MACF1: variants seen among roughly 807,000 people sequenced by gnomAD.
The protein encoded by MACF1 is microtubule-actin cross-linking factor 1.
In MACF1, 193 loss-of-function variants were observed where a neutral mutation model predicts 854.8. The ratio of observed to expected loss-of-function variants is 0.23; its 90% CI spans 0.20 to 0.25. MACF1 has a LOEUF of 0.25. MACF1 is among the 10% of genes least tolerant of loss of function. The probability of loss-of-function intolerance (pLI) is 1.00; values close to 1 mark genes in which losing one functional copy is unlikely to be tolerated. For missense variants in MACF1, 7,722 were observed against 8,929.1 expected (o/e 0.86, Z 5.45); for synonymous variants, 3,185 against 3,226.7 (o/e 0.99, Z 0.44).
intron 80 of MACF1, among the ~76,000 whole-genome samples, chr1:39,446,321 TA>T (rs970208581): frequency 9.9e-5 from 12 of 120,684 alleles, no homozygotes; most frequent in South Asian, 2.2e-4. Flanking sequence ...AAAGTAGATA[TA>T]AAAAATATAT....
At chr1:39,463,525 C>G in intron 93 of MACF1, 87 bp from the exon 94 acceptor site, 2 of 869,024 alleles carry the variant, frequency 2.3e-6, no homozygotes. Context: ...TGAATAGCCT[C>G]CCTGTTAATG....
At position 39,435,669 on chromosome 1, in the gene MACF1, T is replaced by C. The variant is rs1321495716; in HGVS notation, c.17896T>C (p.Tyr5966His). 6.2e-7 allele frequency: 1 copy of C among 1,613,800 alleles called. No homozygotes were observed. Among genetic ancestry groups the C allele is most frequent in the African/African-American group, 1.3e-5 (1 of 74,886 alleles). ...PEEGEMVEEKYQKAENMYAQI... is the reference protein window; with the variant it reads ...PEEGEMVEEKHQKAENMYAQI... ...GGAAGGGGAAATGGTGGAAGAAAAA[T>C]ACCAGAAAGCAGAAAACATGTATGC... is the stretch of plus-strand genomic sequence containing the variant. The change falls in exon 70 of 101, where the codon TAC becomes CAC. Residue 5966 changes from tyrosine to histidine, a missense_variant. Tyr to His is a moderately conservative substitution (Grantham distance 83). Coordinates refer to ENST00000564288, the MANE Select transcript of MACF1 (RefSeq NM_001394062.1).
intron 58 of MACF1, among the ~76,000 whole-genome samples, chr1:39,390,113 C>T (rs564914955): frequency 2.2e-4 from 34 of 152,130 alleles, no homozygotes; most frequent in Non-Finnish European, 4.6e-4. Flanking sequence ...CTAGAGTTTT[C>T]CTTGTGGTAA....
chr1:39,235,452 C>T (rs536705129), intron 2 of MACF1, among the ~76,000 whole-genome samples: 1 of 152,372 alleles, frequency 6.6e-6, no homozygotes, highest in Non-Finnish European at 1.5e-5. Context: ...TTATTTAACA[C>T]ACCCTAAATT....
intron 2 of MACF1, among the ~76,000 whole-genome samples, chr1:39,129,252 C>T (rs1642936025): frequency 5.3e-5 from 8 of 152,026 alleles, no homozygotes; most frequent in Admixed American, 5.2e-4. Flanking sequence ...GGGTGGGATT[C>T]AAGACTTCAC....
chr1:39,290,730 C>T (rs540729867), intron 15 of MACF1, among the ~76,000 whole-genome samples: 12 of 146,742 alleles, frequency 8.2e-5, no homozygotes, highest in South Asian at 4.3e-4. Flanking sequence ...TGCAATGGCA[C>T]GATCTCGGCT....
At chr1:39,146,443 C>G (rs1359151057) in intron 2 of MACF1, among the ~76,000 whole-genome samples, 2 of 146,496 alleles carry the variant, frequency 1.4e-5, no homozygotes, top group African/African-American at 5.1e-5. Context: ...ACTCTGTCTC[C>G]TCTCCCAAAA....
At chr1:39,284,518 C>A in intron 11 of MACF1, 90 bp downstream of exon 11, 1 of 769,252 alleles carries the variant, frequency 1.3e-6, no homozygotes, top group East Asian at 2.7e-5. Flanking sequence ...ATTCTTTTCC[C>A]AAACTGCATT....
chr1:39,360,878 G>C lies in MACF1; in HGVS notation c.12330G>C (p.Gln4110His). The C allele has an allele frequency of 6.2e-7, 1 of 1,613,978 alleles. No individual in the cohort carries two copies. The highest frequency in any genetic ancestry group is 8.5e-7 in the Non-Finnish European group (1 of 1,180,004). The change falls in exon 48 of 101, where the codon CAG (glutamine) becomes CAC (histidine). Residue 4110 changes from glutamine (Q) to histidine (H), a missense_variant. By Grantham distance (24) the Gln-to-His change is conservative. Around this residue, in one of 15 missense-constraint regions of MACF1, gnomAD observed 2,807 missense variants for 3,235.8 expected, o/e 0.87. Coordinates refer to ENST00000564288, the MANE Select transcript of MACF1 (RefSeq NM_001394062.1). Reference sequence around the variant, plus strand: ...TGCAGAAAGCAATTGCCCAATCTCAGAGTGTCCAGGAAAGCCTGGAGAGCC... The same window carrying C: ...TGCAGAAAGCAATTGCCCAATCTCACAGTGTCCAGGAAAGCCTGGAGAGCC... ...SLLQKAIAQSQSVQESLESLL... is the reference protein window; with the variant it reads ...SLLQKAIAQSHSVQESLESLL...
intron 58 of MACF1, among the ~76,000 whole-genome samples, chr1:39,396,084 T>TA (rs1642259914): frequency 6.6e-6 from 1 of 152,202 alleles, no homozygotes; most frequent in Non-Finnish European, 1.5e-5. Flanking sequence ...CTCATGCCTG[T>TA]AATCCCAGCA....
intron 6 of MACF1, among the ~76,000 whole-genome samples, chr1:39,266,648 A>G (rs116082485): frequency 2.8e-4 from 32 of 114,534 alleles, no homozygotes; most frequent in Admixed American, 8.0e-4. Flanking sequence ...AGTTAAGGCT[A>G]TGCTAGTGTA....
chr1:39,414,480 A>G (rs753834587), intron 58 of MACF1: 2 of 1,614,012 alleles, frequency 1.2e-6, no homozygotes, highest in Non-Finnish European at 1.7e-6. Context: ...CAGATGAGGT[A>G]ATTGTCCATT....
At chr1:39,368,917 A>G (rs891515579) in intron 50 of MACF1, among the ~76,000 whole-genome samples, 4 of 152,074 alleles carry the variant, frequency 2.6e-5, no homozygotes, top group African/African-American at 7.2e-5. Flanking sequence ...AGCAAGTAAG[A>G]TTACAGAATA....
intron 48 of MACF1, 36 bp downstream of exon 48, chr1:39,361,037 A>G (rs1214604229): frequency 6.5e-7 from 1 of 1,538,246 alleles, no homozygotes. Context: ...CATAGAGGGT[A>G]TGTTTGCTAT....
intron 6 of MACF1, among the ~76,000 whole-genome samples, chr1:39,263,714 A>ACG (rs1645192015): frequency 7.0e-6 from 1 of 143,206 alleles, no homozygotes; most frequent in Admixed American, 6.9e-5. Flanking sequence ...GTATGTCTTT[A>ACG]TATTTGACAC....
intron 40 of MACF1, among the ~76,000 whole-genome samples, chr1:39,344,217 C>T (rs1646995985): frequency 1.3e-5 from 2 of 151,930 alleles, no homozygotes; most frequent in African/African-American, 4.8e-5. Context: ...ACCTGAAGTT[C>T]AGGAGTTCAA....
intron 44 of MACF1, among the ~76,000 whole-genome samples, chr1:39,355,621 A>G (rs1317486445): frequency 6.6e-6 from 1 of 151,816 alleles, no homozygotes; most frequent in Non-Finnish European, 1.5e-5. Context: ...GCACGCCACC[A>G]CACCCAGCTA....
At chr1:39,324,805 A>G (rs1427254861) in intron 35 of MACF1, 71 bp downstream of exon 35, 2 of 1,164,832 alleles carry the variant, frequency 1.7e-6, no homozygotes, top group Middle Eastern at 1.9e-4. Flanking sequence ...TACAGCCATA[A>G]TGAGATTTCA....
intron 92 of MACF1, among the ~76,000 whole-genome samples, chr1:39,461,083 C>CAA (rs1284550970): frequency 6.3e-5 from 4 of 63,410 alleles, no homozygotes; most frequent in Admixed American, 1.9e-4. Flanking sequence ...GACTCTGTCT[C>CAA]AAAAAAAAAA....
Sources: gnomAD v4.1 joint callset for allele counts (sites outside exome capture counted in the v4.1 genomes callset) on GRCh38, gnomAD v4.1.1 for gene constraint, gnomAD v4.1.1 regional missense constraint, MANE v1.5 for transcripts, NCBI Gene and HGNC (gene_info 2026-07-23, HGNC 2026-07-21) for gene names.